Variants in PLCB1 observed in about 807,000 individuals in gnomAD.
PLCB1 encodes the protein 1-phosphatidylinositol 4,5-bisphosphate phosphodiesterase beta-1.
Under a neutral mutation model 161.8 loss-of-function variants are expected in PLCB1, and 46 were observed. The observed-to-expected ratio is 0.28, with a 90% confidence interval of 0.22 to 0.36. The LOEUF (loss-of-function observed/expected upper bound fraction) is 0.36, where lower values mean the gene tolerates loss of function less well. Among genes scored for constraint, PLCB1 ranks in the 10% least tolerant of loss-of-function variants. The probability of loss-of-function intolerance (pLI) is 1.00; values close to 1 mark genes in which losing one functional copy is unlikely to be tolerated. For missense variants in PLCB1, 1,016 were observed against 1,472.5 expected, an observed-to-expected ratio of 0.69 and a Z score of 5.07; for synonymous variants, 517 against 503.7, an observed-to-expected ratio of 1.03 and a Z score of -0.35.
At chr20:8,590,396 A>C (rs1206120617) in intron 3 of PLCB1, among the ~76,000 whole-genome samples, 1 of 152,156 alleles carries the variant, frequency 6.6e-6, no homozygotes, top group Non-Finnish European at 1.5e-5. Context: ...TTATACAATA[A>C]ATTTAGTTCC....
intron 4 of PLCB1, among the ~76,000 whole-genome samples, chr20:8,643,978 G>A (rs1989051219): frequency 6.6e-6 from 1 of 152,194 alleles, no homozygotes; most frequent in Non-Finnish European, 1.5e-5. Flanking sequence ...TATTTTTTTG[G>A]TGGAGACGGG....
At chr20:8,529,272 T>C (rs1005229741) in intron 3 of PLCB1, among the ~76,000 whole-genome samples, 4 of 152,066 alleles carry the variant, frequency 2.6e-5, no homozygotes, top group Non-Finnish European at 5.9e-5. Context: ...TCTGTGTTCT[T>C]TACGGCAGTA....
At chr20:8,298,863 G>A (rs1983758157) in intron 2 of PLCB1, among the ~76,000 whole-genome samples, 1 of 152,098 alleles carries the variant, frequency 6.6e-6, no homozygotes, top group Admixed American at 6.6e-5. Context: ...GATGTGTGGG[G>A]CATGTGTTAT....
intron 3 of PLCB1, among the ~76,000 whole-genome samples, chr20:8,572,877 G>A (rs1053398327): frequency 6.6e-6 from 1 of 152,180 alleles, no homozygotes; most frequent in Non-Finnish European, 1.5e-5. Context: ...AGATATTGAA[G>A]TCGGGAGAGC....
Position 8,550,845 on chromosome 20 carries a change from C to T in PLCB1, c.247-77449C>T, listed in dbSNP as rs888044327. On this transcript the variant is annotated intron_variant, in intron 3 of 31. Transcript: ENST00000338037. ...TTGGAGACTTCTTCTGGTGGCATCTCTCTTGCTCTTGTACCCTCTCTCTCT... is the reference window on the plus strand; with the variant it reads ...TTGGAGACTTCTTCTGGTGGCATCTTTCTTGCTCTTGTACCCTCTCTCTCT... Among the ~76,000 whole-genome samples, 7 of 152,128 alleles carry T rather than the reference C, an allele frequency of 4.6e-5. No homozygotes were observed. The East Asian group carries it at 1.3e-3, about 29-fold the overall frequency.
chr20:8,592,231 T>C lies in PLCB1; in HGVS notation c.247-36063T>C, dbSNP rs146449263. 6.0e-4 allele frequency among the ~76,000 whole-genome samples: 91 copies of C among 152,282 alleles called. No homozygotes were observed. The East Asian group carries it at 0.012, about 21-fold the overall frequency. ...ATGAGCAATCATCTTCTTACACTTA[T>C]TCACACCTAAGTACCTAGTAAAAAA... is the stretch of plus-strand genomic sequence containing the variant. On this transcript the variant is annotated intron_variant, in intron 3 of 31. Transcript: ENST00000338037.
rs139784193 is a variant in PLCB1 at position 8,179,702 on chromosome 20, G to C, written c.177+29331G>C. 1.8e-3 allele frequency among the ~76,000 whole-genome samples: 268 copies of C among 152,114 alleles called. 2 individuals carry two copies. Among genetic ancestry groups the C allele is most frequent in the African/African-American group, 4.4e-3 (181 of 41,510 alleles). On this transcript the variant is annotated intron_variant, in intron 2 of 31. Transcript: ENST00000338037. Reference sequence around the variant, plus strand: ...GTGTCGAATAGGAGTGGTGAGAATGGGCATCTTTGTCTTGTTCTTGTCCCA... The same window carrying C: ...GTGTCGAATAGGAGTGGTGAGAATGCGCATCTTTGTCTTGTTCTTGTCCCA...
At chr20:8,720,495 A>G (rs756460017) in intron 14 of PLCB1, among the ~76,000 whole-genome samples, 1 of 152,180 alleles carries the variant, frequency 6.6e-6, no homozygotes, top group Admixed American at 6.5e-5. Context: ...AAAACGTGAC[A>G]GGTATTGTAT....
At chr20:8,567,266 A>C (rs1015494253) in intron 3 of PLCB1, among the ~76,000 whole-genome samples, 3 of 152,234 alleles carry the variant, frequency 2.0e-5, no homozygotes, top group African/African-American at 7.2e-5. Context: ...TAGAGTTTTA[A>C]CTTAAAGTTA....
intron 9 of PLCB1, among the ~76,000 whole-genome samples, chr20:8,665,616 GAATTAT>G (rs1281117984): frequency 1.3e-5 from 2 of 152,114 alleles, no homozygotes; most frequent in African/African-American, 2.4e-5. Flanking sequence ...TATTAAAATG[GAATTAT>G]AATTATAGTC....
chr20:8,664,294 T>A (rs1989756274), intron 9 of PLCB1, among the ~76,000 whole-genome samples: 1 of 152,138 alleles, frequency 6.6e-6, no homozygotes, highest in Non-Finnish European at 1.5e-5. Context: ...CTTTTAGTGA[T>A]CACTACTCGC....
At chr20:8,786,824 C>T (rs1365270938) in intron 27 of PLCB1, among the ~76,000 whole-genome samples, 1 of 152,028 alleles carries the variant, frequency 6.6e-6, no homozygotes, top group Non-Finnish European at 1.5e-5. Context: ...CTGCCTCAGC[C>T]TCCCAAGTAG....
chr20:8,645,775 ACT>A (rs1320927220), intron 4 of PLCB1, among the ~76,000 whole-genome samples: 17 of 152,200 alleles, frequency 1.1e-4, no homozygotes, highest in Admixed American at 4.6e-4. Flanking sequence ...ATTTTTAATG[ACT>A]CTTTATCTGT....
chr20:8,325,799 G>A (rs946701073), intron 2 of PLCB1, among the ~76,000 whole-genome samples: 4 of 152,164 alleles, frequency 2.6e-5, no homozygotes, highest in African/African-American at 9.7e-5. Flanking sequence ...GCAAGCCAGT[G>A]ATGACAGGGT....
chr20:8,615,637 A>G (rs1389725069), intron 3 of PLCB1, among the ~76,000 whole-genome samples: 3 of 152,212 alleles, frequency 2.0e-5, no homozygotes, highest in African/African-American at 4.8e-5. Context: ...TAAATATAAA[A>G]TGACTTTAAC....
At chr20:8,149,243 C>T (rs997046757) in intron 1 of PLCB1, among the ~76,000 whole-genome samples, 1 of 152,148 alleles carries the variant, frequency 6.6e-6, no homozygotes, top group Non-Finnish European at 1.5e-5. Flanking sequence ...CAGCAACCTT[C>T]TGAGTTAGGT....
intron 4 of PLCB1, among the ~76,000 whole-genome samples, chr20:8,644,685 CCCCGTCCGGGAGGGAGGTGGGGGGGTCAG>C (rs1989099325): frequency 6.6e-6 from 1 of 151,722 alleles, no homozygotes; most frequent in African/African-American, 2.4e-5. Flanking sequence ...CCGGCAGCCG[CCCCGTCCGGGAGGGAGGTGGGGGGGTCAG>C]CCCCCCGCCC....
At chr20:8,332,221 T>C (rs935306088) in intron 2 of PLCB1, among the ~76,000 whole-genome samples, 1 of 152,216 alleles carries the variant, frequency 6.6e-6, no homozygotes, top group African/African-American at 2.4e-5. Flanking sequence ...TGGGCTGCTT[T>C]CCAGCAGTGG....
chr20:8,363,592 GTAT>G (rs1986612086), intron 2 of PLCB1, among the ~76,000 whole-genome samples: 1 of 152,098 alleles, frequency 6.6e-6, no homozygotes, highest in South Asian at 2.1e-4. Context: ...CACTCTTGCT[GTAT>G]TACATAACAT....
Sources: gnomAD v4.1 joint callset for allele counts (sites outside exome capture counted in the v4.1 genomes callset) on GRCh38, gnomAD v4.1.1 for gene constraint, MANE v1.5 for transcripts, NCBI Gene and HGNC (gene_info 2026-07-23, HGNC 2026-07-21) for gene names.